Variants in MBTD1 observed in about 807,000 individuals in gnomAD.
MBTD1 encodes the protein mbt domain containing 1.
Under a neutral mutation model 87.8 loss-of-function variants are expected in MBTD1, and 24 were observed. The ratio of observed to expected loss-of-function variants is 0.27; its 90% CI spans 0.20 to 0.38. The LOEUF is 0.38. MBTD1 is among the 10% of genes least tolerant of loss of function. The pLI is 1.00. For synonymous variants in MBTD1, 237 were observed against 248.6 expected (o/e 0.95, Z 0.44); for missense variants, 436 against 760.2 (o/e 0.57, Z 5.02).
At chr17:51,239,495 C>T (rs1467527510) in intron 2 of MBTD1, among the ~76,000 whole-genome samples, 4 of 152,166 alleles carry the variant, frequency 2.6e-5, no homozygotes, top group African/African-American at 7.2e-5. Flanking sequence ...CCTCTCTACA[C>T]GTATATTTTT....
At position 51,179,506 on chromosome 17, in the gene MBTD1, A is replaced by ATATATTTATATT. The variant is rs2050218937; in HGVS notation, c.*1069_*1070insAATATAAATATA. The stretch of plus-strand genomic sequence containing the variant: ...ATTTTATATATATATATATATATAT[A>ATATATTTATATT]TATATATATATATATATATATATAT... On this transcript the variant is annotated 3_prime_UTR_variant, in exon 17 of 17. Transcript: ENST00000586178. The ATATATTTATATT allele has an allele frequency of 3.6e-5, 3 of 82,334 alleles. No homozygotes were observed. Among genetic ancestry groups the ATATATTTATATT allele is most frequent in the African/African-American group, 1.4e-4 (3 of 21,558 alleles). The allele number at this position is 82,334 out of a possible 1,614,324, so 5.1% of individuals were successfully genotyped here.
At chr17:51,254,496 C>G (rs2144257677) in intron 2 of MBTD1, among the ~76,000 whole-genome samples, 1 of 152,198 alleles carries the variant, frequency 6.6e-6, no homozygotes, top group Admixed American at 6.5e-5. Context: ...TGGAAAAGTA[C>G]CCAGGAGAAT....
chr17:51,245,426 CTTGA>C (rs1231802240), intron 2 of MBTD1, among the ~76,000 whole-genome samples: 3 of 151,946 alleles, frequency 2.0e-5, no homozygotes, highest in African/African-American at 4.8e-5. Flanking sequence ...TTCATTGTAC[CTTGA>C]TTATGAGTCA....
chr17:51,260,143 G>A (rs1032272573), upstream of MBTD1: 16 of 365,260 alleles, frequency 4.4e-5, no homozygotes, highest in Non-Finnish European at 6.8e-5. Context: ...TTCCACCGTG[G>A]GACCCTCTGC....
rs1334116513 is a variant in MBTD1 at position 51,180,302 on chromosome 17, C to CA, written c.*273dup. The CA allele has an allele frequency of 1.3e-5, 4 of 310,286 alleles. No homozygotes were observed. Among genetic ancestry groups the CA allele is most frequent in the Middle Eastern group, 9.2e-4 (1 of 1,088 alleles). The allele number at this position is 310,286 out of a possible 1,614,324, so 19.2% of individuals were successfully genotyped here. ...AAGTTAGAATTTCAGTTCTTGTTAA[C>CA]AATGCACATAAATCCAAACTTGGAA... On this transcript the variant is annotated 3_prime_UTR_variant, in exon 17 of 17. Coordinates refer to ENST00000586178, the MANE Select transcript of MBTD1 (RefSeq NM_017643.3).
Position 51,179,524 on chromosome 17 carries a change from A to ATTTATATTTT in MBTD1, c.*1051_*1052insAAAATATAAA, listed in dbSNP as rs1454139467. 1 of 107,996 alleles carries ATTTATATTTT rather than the reference A, an allele frequency of 9.3e-6. No homozygotes were observed. The highest frequency in any genetic ancestry group is 3.2e-5 in the African/African-American group (1 of 31,230). The allele number at this position is 107,996 out of a possible 1,614,324, so 6.7% of individuals were successfully genotyped here. A position where few individuals can be genotyped will look rare whatever the true frequency, so the allele number is the denominator to read the frequency against. The stretch of plus-strand genomic sequence containing the variant: ...TATATATATATATATATATATATAT[A>ATTTATATTTT]TATATATATATATGGAATTTTAAGA... On this transcript the variant is annotated 3_prime_UTR_variant, in exon 17 of 17. Transcript: ENST00000586178.
At chr17:51,189,589 GGGAGGCAAATGAAT>G (rs1190481734) in intron 16 of MBTD1, among the ~76,000 whole-genome samples, 1 of 152,198 alleles carries the variant, frequency 6.6e-6, no homozygotes. Flanking sequence ...GTCACGCTGA[GGGAGGCAAATGAAT>G]TGTCTACATA....
Position 51,179,492 on chromosome 17 carries a change from A to ATATATT in MBTD1, c.*1083_*1084insAATATA, listed in dbSNP as rs2050210269. ...TACAATTAAAGACAATTTTATATATATATATATATATATATATATATATAT... is the reference window on the plus strand; with the variant it reads ...TACAATTAAAGACAATTTTATATATATATATTTATATATATATATATATATATATAT... On this transcript the variant is annotated 3_prime_UTR_variant, in exon 17 of 17. Coordinates refer to ENST00000586178, the MANE Select transcript of MBTD1 (RefSeq NM_017643.3). The ATATATT allele has an allele frequency of 6.5e-5, 2 of 30,972 alleles. No homozygotes were observed. The highest frequency in any genetic ancestry group is 2.3e-4 in the African/African-American group (2 of 8,724). The allele number at this position is 30,972 out of a possible 1,614,324, so 1.9% of individuals were successfully genotyped here.
intron 6 of MBTD1, among the ~76,000 whole-genome samples, chr17:51,216,045 C>A (rs978655397): frequency 6.7e-6 from 1 of 149,616 alleles, no homozygotes. Context: ...GATTCTCATG[C>A]CTCAGCCTCT....
intron 2 of MBTD1, among the ~76,000 whole-genome samples, chr17:51,252,300 G>A (rs72826484): frequency 0.024 from 3,655 of 152,146 alleles, 64 homozygotes; most frequent in Middle Eastern, 0.044. Context: ...ATCTTAAAAC[G>A]TTTTAAATTT....
chr17:51,196,652 G>T (rs2051126257), intron 12 of MBTD1, among the ~76,000 whole-genome samples: 1 of 151,666 alleles, frequency 6.6e-6, no homozygotes, highest in Non-Finnish European at 1.5e-5. Context: ...AGCACTTTGG[G>T]AGGCTGAGAT....
At chr17:51,249,329 C>T (rs1287591588) in intron 2 of MBTD1, among the ~76,000 whole-genome samples, 3 of 152,092 alleles carry the variant, frequency 2.0e-5, no homozygotes, top group Non-Finnish European at 4.4e-5. Flanking sequence ...TCTTTTATAT[C>T]CTTTTTTACC....
At chr17:51,242,783 A>G (rs2054228150) in intron 2 of MBTD1, among the ~76,000 whole-genome samples, 1 of 152,208 alleles carries the variant, frequency 6.6e-6, no homozygotes, top group Non-Finnish European at 1.5e-5. Flanking sequence ...TGAAAAAGTA[A>G]ACAGTATATG....
chr17:51,186,723 G>A (rs1010031577), intron 16 of MBTD1, among the ~76,000 whole-genome samples: 6 of 146,046 alleles, frequency 4.1e-5, no homozygotes, highest in African/African-American at 1.5e-4. Flanking sequence ...GCAGTGAGCC[G>A]AGATCGTGCC....
Position 51,179,515 on chromosome 17 carries a change from T to TATTC in MBTD1, c.*1060_*1061insGAAT, listed in dbSNP as rs1555673851. 2,860 of 101,476 alleles carry TATTC rather than the reference T, an allele frequency of 0.028. 302 individuals are homozygous for TATTC. Among genetic ancestry groups the TATTC allele is most frequent in the African/African-American group, 0.1 (2,717 of 27,248 alleles). 6.3% of individuals were successfully genotyped at this position (101,476 alleles called of 1,614,324 possible). On this transcript the variant is annotated 3_prime_UTR_variant, in exon 17 of 17. Coordinates refer to ENST00000586178, the MANE Select transcript of MBTD1 (RefSeq NM_017643.3). ...ATATATATATATATATATATATATA[T>TATTC]ATATATATATATATATATATATGGA...
chr17:51,258,415 T>C (rs1242091594), intron 2 of MBTD1, among the ~76,000 whole-genome samples: 2 of 152,022 alleles, frequency 1.3e-5, no homozygotes, highest in Non-Finnish European at 2.9e-5. Context: ...TACTGGTGCA[T>C]GCTAATATAA....
chr17:51,225,204 T>C lies in MBTD1; in HGVS notation c.-43A>G. 1 of 1,505,016 alleles carries C rather than the reference T, an allele frequency of 6.6e-7. No homozygotes were observed. Among genetic ancestry groups the C allele is most frequent in the Non-Finnish European group, 8.9e-7 (1 of 1,122,940 alleles). 93.2% of individuals were successfully genotyped at this position (1,505,016 alleles called of 1,614,324 possible). A position where few individuals can be genotyped will look rare whatever the true frequency, so the allele number is the denominator to read the frequency against. ...TTTTCCTTTCAGATCGTGAAGAATGTTCAGTCTTTGAAGTAAGAGAAACCA... is the reference window on the plus strand; with the variant it reads ...TTTTCCTTTCAGATCGTGAAGAATGCTCAGTCTTTGAAGTAAGAGAAACCA... On this transcript the variant is annotated 5_prime_UTR_variant, in exon 3 of 17. Transcript: ENST00000586178.
intron 6 of MBTD1, among the ~76,000 whole-genome samples, chr17:51,211,660 G>C (rs2052226098): frequency 6.6e-6 from 1 of 151,888 alleles, no homozygotes; most frequent in South Asian, 2.1e-4. Context: ...ATTTCCATTA[G>C]AAGGAAAATC....
At chr17:51,260,625 G>A (rs770614722), upstream of MBTD1, 10 of 1,612,698 alleles carry the variant, frequency 6.2e-6, no homozygotes, top group Non-Finnish European at 8.5e-6. Context: ...CTGGACCGGA[G>A]AACCGGAGCG....
Sources: gnomAD v4.1 joint callset for allele counts (sites outside exome capture counted in the v4.1 genomes callset) on GRCh38, gnomAD v4.1.1 for gene constraint, MANE v1.5 for transcripts, NCBI Gene and HGNC (gene_info 2026-07-23, HGNC 2026-07-21) for gene names.